Variants in PCSK2 observed in about 807,000 individuals in gnomAD.
PCSK2 encodes proprotein convertase subtilisin/kexin type 2.
A neutral mutation model predicts 69.7 loss-of-function variants in PCSK2; 14 were observed. That is an observed-to-expected ratio of 0.20 (90% CI 0.13 to 0.31). The LOEUF is 0.31. PCSK2 is among the 10% of genes least tolerant of loss of function. PCSK2 has a pLI of 1.00. For missense variants in PCSK2, 544 were observed against 842.5 expected (o/e 0.65, Z 4.39); for synonymous variants, 307 against 320.7 (o/e 0.96, Z 0.46).
chr20:17,260,372 C>T (rs766947061), intron 2 of PCSK2, 28 bp downstream of exon 2: 1 of 1,472,774 alleles, frequency 6.8e-7, no homozygotes, highest in Non-Finnish European at 9.5e-7. Context: ...ACCTGCCTCC[C>T]AATCTCTGCT....
At chr20:17,233,579 G>A (rs1423792982) in intron 1 of PCSK2, among the ~76,000 whole-genome samples, 1 of 152,130 alleles carries the variant, frequency 6.6e-6, no homozygotes, top group Non-Finnish European at 1.5e-5. Flanking sequence ...GATTCCTCAG[G>A]AAATCTGACT....
chr20:17,438,965 G>A (rs541643774), intron 8 of PCSK2, among the ~76,000 whole-genome samples: 4 of 152,286 alleles, frequency 2.6e-5, no homozygotes, highest in African/African-American at 7.2e-5. Context: ...CTCCCTCAAT[G>A]AGTCTGGGGC....
intron 2 of PCSK2, among the ~76,000 whole-genome samples, chr20:17,338,173 G>GTTC (rs201740005): frequency 2.1e-5 from 3 of 140,986 alleles, no homozygotes; most frequent in African/African-American, 8.0e-5. Context: ...ATTTTTTTTG[G>GTTC]GGGGGGGGGT....
At chr20:17,477,269 G>C (rs191509189) in intron 11 of PCSK2, among the ~76,000 whole-genome samples, 2 of 152,310 alleles carry the variant, frequency 1.3e-5, no homozygotes, top group East Asian at 3.9e-4. Flanking sequence ...AAGGATATTT[G>C]CATAGGCAAT....
intron 11 of PCSK2, among the ~76,000 whole-genome samples, chr20:17,466,575 A>G (rs1474057657): frequency 6.6e-6 from 1 of 152,218 alleles, no homozygotes; most frequent in Non-Finnish European, 1.5e-5. Flanking sequence ...CCACCTTGGC[A>G]AGTGGATTGG....
chr20:17,266,422 G>C (rs1373338876), intron 2 of PCSK2, among the ~76,000 whole-genome samples: 1 of 152,182 alleles, frequency 6.6e-6, no homozygotes, highest in Non-Finnish European at 1.5e-5. Context: ...ATTGTGAAAG[G>C]GAAATTCCAC....
chr20:17,273,037 T>C (rs374467081), intron 2 of PCSK2, among the ~76,000 whole-genome samples: 1 of 152,168 alleles, frequency 6.6e-6, no homozygotes, highest in Admixed American at 6.6e-5. Flanking sequence ...TGTTTCGTCA[T>C]GAAATTTTAA....
chr20:17,445,721 C>A (rs1229736127), intron 8 of PCSK2, among the ~76,000 whole-genome samples: 1 of 152,206 alleles, frequency 6.6e-6, no homozygotes, highest in Non-Finnish European at 1.5e-5. Flanking sequence ...ACGATGAATG[C>A]CTCCTGCCAA....
At chr20:17,241,440 G>T (rs1222242251) in intron 1 of PCSK2, among the ~76,000 whole-genome samples, 1 of 152,206 alleles carries the variant, frequency 6.6e-6, no homozygotes, top group African/African-American at 2.4e-5. Context: ...GGGAAGTGTG[G>T]CAGGATGGCC....
rs114575556 is a variant in PCSK2 at position 17,457,845 on chromosome 20, C to G, written c.1202+1397C>G. On this transcript the variant is annotated intron_variant, in intron 10 of 11. Transcript: ENST00000262545. ...GGGTTTCCGGTTGCCCTTTCAACCT[C>G]AGAAGTCAGGACTTGACTCACAGTC... Among the ~76,000 whole-genome samples, 547 of 152,316 alleles carry G rather than the reference C, an allele frequency of 3.6e-3. 6 individuals carry two copies. The highest frequency in any genetic ancestry group is 0.012 in the African/African-American group (505 of 41,564).
intron 2 of PCSK2, among the ~76,000 whole-genome samples, chr20:17,286,234 A>G (rs1164469843): frequency 6.6e-6 from 1 of 152,212 alleles, no homozygotes; most frequent in Non-Finnish European, 1.5e-5. Context: ...AGACCTTACT[A>G]CCTAACACAT....
At chr20:17,429,692 T>C (rs1277539948) in intron 7 of PCSK2, among the ~76,000 whole-genome samples, 169 bp downstream of exon 7, 3 of 152,244 alleles carry the variant, frequency 2.0e-5, no homozygotes, top group Non-Finnish European at 4.4e-5. Flanking sequence ...TCAATAGTTT[T>C]AAATTTTTAA....
chr20:17,338,726 G>T (rs1990428913), intron 2 of PCSK2, among the ~76,000 whole-genome samples: 1 of 152,244 alleles, frequency 6.6e-6, no homozygotes, highest in South Asian at 2.1e-4. Context: ...CAGGGAGAGG[G>T]ATGGTACTAG....
In PCSK2 at chr20:17,364,993, A is replaced by T. The variant is rs377083338; in HGVS notation, c.506-4247A>T. On this transcript the variant is annotated intron_variant, in intron 4 of 11. Coordinates refer to ENST00000262545, the MANE Select transcript of PCSK2 (RefSeq NM_002594.5). ...GTCTTACTCACCAGAGTGGCTATAA[A>T]CTCTATCCTGCCCCAACAGGACTCC... is the stretch of plus-strand genomic sequence containing the variant. Among the ~76,000 whole-genome samples, 4 of 152,050 alleles carry T rather than the reference A, an allele frequency of 2.6e-5. No homozygotes were observed. The East Asian group carries it at 7.7e-4, about 29-fold the overall frequency.
chr20:17,319,049 CA>C (rs1435310460), intron 2 of PCSK2, among the ~76,000 whole-genome samples: 1 of 152,172 alleles, frequency 6.6e-6, no homozygotes, highest in African/African-American at 2.4e-5. Flanking sequence ...AGGATGTAAT[CA>C]ACCAAGAATT....
In PCSK2 at chr20:17,340,247, A is replaced by G. The variant is rs529402397; in HGVS notation, c.283-18080A>G. Among the ~76,000 whole-genome samples, 103 of 152,346 alleles carry G rather than the reference A, an allele frequency of 6.8e-4. 1 individual carries two copies. Among genetic ancestry groups the G allele is most frequent in the Middle Eastern group, 3.4e-3 (1 of 294 alleles). On this transcript the variant is annotated intron_variant, in intron 2 of 11. Transcript: ENST00000262545. ...CTTGAGATCACTCCCATTTGATAGC[A>G]GTAGCATTTGCTGTTGAGAAGGCAT...
At chr20:17,242,392 T>G (rs1600402820) in intron 1 of PCSK2, among the ~76,000 whole-genome samples, 2 of 152,362 alleles carry the variant, frequency 1.3e-5, no homozygotes, top group South Asian at 2.1e-4. Context: ...AAGTGTGTGT[T>G]GAGCCCTATG....
At chr20:17,262,486 G>A (rs1325964139) in intron 2 of PCSK2, among the ~76,000 whole-genome samples, 3 of 151,144 alleles carry the variant, frequency 2.0e-5, no homozygotes, top group Non-Finnish European at 2.9e-5. Context: ...AACTGCTAAT[G>A]ATGACTGCCT....
chr20:17,267,937 A>G (rs1243119179), intron 2 of PCSK2, among the ~76,000 whole-genome samples: 7 of 151,204 alleles, frequency 4.6e-5, no homozygotes, highest in Admixed American at 1.3e-4. Flanking sequence ...AAAATCTTAG[A>G]TGTTTGAAGG....
Sources: gnomAD v4.1 joint callset for allele counts (sites outside exome capture counted in the v4.1 genomes callset) on GRCh38, gnomAD v4.1.1 for gene constraint, MANE v1.5 for transcripts, NCBI Gene and HGNC (gene_info 2026-07-23, HGNC 2026-07-21) for gene names.